The following BST1 variants were observed in gnomAD, a reference collection of about 807,000 sequenced individuals.
BST1 encodes ADP-ribosyl cyclase/cyclic ADP-ribose hydrolase 2.
In BST1, 49 loss-of-function variants were observed where a neutral mutation model predicts 40.6. That is an observed-to-expected ratio of 1.21 (90% CI 0.96 to 1.53). BST1 has a LOEUF of 1.53. BST1 is among the 40% of genes most tolerant of loss of function. The pLI is 0.00. For missense variants in BST1, 423 were observed against 395.9 expected (o/e 1.07, Z -0.58); for synonymous variants, 157 against 159.3 (o/e 0.99, Z 0.11).
the BST1 span, among the ~76,000 whole-genome samples, chr4:15,747,839 T>C: frequency 6.6e-6 from 1 of 152,088 alleles, no homozygotes; most frequent in African/African-American, 2.4e-5. Context: ...CCAGCTAATA[T>C]TTTAAATTCT....
At chr4:15,721,712 G>A (rs1023820177) in intron 7 of BST1, among the ~76,000 whole-genome samples, 5 of 151,870 alleles carry the variant, frequency 3.3e-5, no homozygotes, top group Admixed American at 2.6e-4. Flanking sequence ...TGTAAATGAC[G>A]AGTTGACAGG....
the BST1 span, among the ~76,000 whole-genome samples, chr4:15,746,288 C>G: frequency 2.6e-5 from 4 of 152,190 alleles, no homozygotes; most frequent in Non-Finnish European, 5.9e-5. Flanking sequence ...ACTGTTCTTT[C>G]TTTTTGAGTC....
intron 8 of BST1, among the ~76,000 whole-genome samples, chr4:15,729,773 A>G (rs1358913618): frequency 7.2e-5 from 11 of 152,196 alleles, no homozygotes; most frequent in Non-Finnish European, 1.6e-4. Context: ...CAGAACATGA[A>G]CCGAGACATG....
chr4:15,755,083 T>C, the BST1 span, among the ~76,000 whole-genome samples: 2 of 152,224 alleles, frequency 1.3e-5, no homozygotes, highest in Non-Finnish European at 2.9e-5. Flanking sequence ...GTAATTTATT[T>C]AACCCACCCC....
At chr4:15,756,050 C>T in the BST1 span, among the ~76,000 whole-genome samples, 1,797 of 152,228 alleles carry the variant, frequency 0.012, 43 homozygotes, top group African/African-American at 0.039. Context: ...TTAAAAATTA[C>T]ACTGTAAGCT....
At chr4:15,718,642 C>T (rs1720639285) in intron 6 of BST1, among the ~76,000 whole-genome samples, 1 of 152,164 alleles carries the variant, frequency 6.6e-6, no homozygotes, top group Non-Finnish European at 1.5e-5. Flanking sequence ...GTGGCTGACA[C>T]CACGCACATG....
At chr4:15,753,348 G>A in the BST1 span, among the ~76,000 whole-genome samples, 5 of 152,120 alleles carry the variant, frequency 3.3e-5, no homozygotes, top group African/African-American at 7.2e-5. Context: ...AGATAAAGGC[G>A]GTCTGGAAAA....
At chr4:15,709,426 C>T (rs1431373156) in intron 3 of BST1, among the ~76,000 whole-genome samples, 1 of 152,196 alleles carries the variant, frequency 6.6e-6, no homozygotes, top group South Asian at 2.1e-4. Context: ...GAGGCCTCTG[C>T]TTTTCACTGT....
the BST1 span, among the ~76,000 whole-genome samples, chr4:15,766,684 C>T: frequency 6.8e-6 from 1 of 146,762 alleles, no homozygotes; most frequent in Middle Eastern, 3.5e-3. Context: ...AACGAGCATG[C>T]TTTTCTGTTG....
chr4:15,758,150 C>T, the BST1 span, among the ~76,000 whole-genome samples: 2 of 151,278 alleles, frequency 1.3e-5, no homozygotes, highest in African/African-American at 4.9e-5. Flanking sequence ...TTTTTTTCAA[C>T]TTTTATTTTA....
At chr4:15,737,914 T>C in exon 7 of BST1, 1 of 821,270 alleles carries the variant, frequency 1.2e-6, no homozygotes, top group Non-Finnish European at 1.8e-6. Flanking sequence ...GTCAATTGCA[T>C]GCCTGCCTAG....
intron 7 of BST1, among the ~76,000 whole-genome samples, chr4:15,720,765 T>C (rs565653023): frequency 6.6e-6 from 1 of 152,244 alleles, no homozygotes; most frequent in African/African-American, 2.4e-5. Context: ...CACTCTAGCC[T>C]GGGTGACAGA....
chr4:15,736,074 A>G, downstream of BST1: 6 of 1,288,810 alleles, frequency 4.7e-6, no homozygotes, highest in Non-Finnish European at 6.1e-6. Context: ...TATGTGGGAC[A>G]TTAGGAGTGC....
Position 15,731,003 on chromosome 4 carries a change from A to G in BST1, c.852-737A>G, listed in dbSNP as rs1721342437. Reference sequence around the variant, plus strand: ...GGCTTGCCTATGGTGCTCTCGATATATAAGGCCCGGACATTCTGCCAGTTT... The same window carrying G: ...GGCTTGCCTATGGTGCTCTCGATATGTAAGGCCCGGACATTCTGCCAGTTT... On this transcript the variant is annotated intron_variant, in intron 8 of 8. Coordinates refer to ENST00000265016, the MANE Select transcript of BST1 (RefSeq NM_004334.3). The G allele has an allele frequency of 5.1e-6, 3 of 593,256 alleles. No individual in the cohort carries two copies. In the South Asian group the frequency reaches 5.7e-5, roughly 11 times the overall value. 36.7% of individuals were successfully genotyped at this position (593,256 alleles called of 1,614,324 possible).
At chr4:15,753,672 T>C in the BST1 span, among the ~76,000 whole-genome samples, 2 of 152,214 alleles carry the variant, frequency 1.3e-5, no homozygotes, top group Admixed American at 6.5e-5. Flanking sequence ...CCAAAGGCAA[T>C]GATGGGACAT....
chr4:15,703,900 GT>G (rs1560275070), intron 1 of BST1, among the ~76,000 whole-genome samples: 1 of 140,408 alleles, frequency 7.1e-6, no homozygotes, highest in African/African-American at 2.7e-5. Context: ...GTGTGTGTGC[GT>G]GCGCTCTAGA....
At chr4:15,739,553 CCG>C (rs1491160405), downstream of BST1, among the ~76,000 whole-genome samples, 2 of 83,392 alleles carry the variant, frequency 2.4e-5, no homozygotes, top group African/African-American at 7.4e-5. Flanking sequence ...AGAAGCCAAA[CCG>C]TGTGTGTGTG....
chr4:15,722,807 C>G, intron 7 of BST1, 68 bp from the exon 8 acceptor site: 1 of 1,388,544 alleles, frequency 7.2e-7, no homozygotes, highest in East Asian at 2.3e-5. Flanking sequence ...ACTTTTCAGG[C>G]AAGCCATAAA....
chr4:15,770,264 G>A, the BST1 span, among the ~76,000 whole-genome samples: 216 of 152,278 alleles, frequency 1.4e-3, 1 homozygote, highest in Non-Finnish European at 2.6e-3. Context: ...GTGTGGCCTG[G>A]AGATAGTCAT....
Sources: allele counts gnomAD v4.1 joint callset (sites outside exome capture counted in the v4.1 genomes callset), GRCh38; gene constraint gnomAD v4.1.1; transcripts MANE v1.5; gene names NCBI Gene and HGNC (gene_info 2026-07-23, HGNC 2026-07-21).